MAD1L1: variants seen among roughly 807,000 people sequenced by gnomAD.
MAD1L1 encodes the protein mitotic spindle assembly checkpoint protein MAD1.
In MAD1L1, 95 loss-of-function variants were observed where a neutral mutation model predicts 96.9. That is an observed-to-expected ratio of 0.98 (90% CI 0.83 to 1.16). The LOEUF is 1.16. Among genes scored for constraint, MAD1L1 ranks in the 50% most tolerant of loss-of-function variants. The probability of loss-of-function intolerance (pLI) is 0.00; values close to 1 mark genes in which losing one functional copy is unlikely to be tolerated. For missense variants in MAD1L1, 1,007 were observed against 954.4 expected, an observed-to-expected ratio of 1.06 and a Z score of -0.73; for synonymous variants, 473 against 396.6, an observed-to-expected ratio of 1.19 and a Z score of -2.29.
At chr7:1,886,818 G>C (rs1786063635) in intron 18 of MAD1L1, among the ~76,000 whole-genome samples, 1 of 152,372 alleles carries the variant, frequency 6.6e-6, no homozygotes, top group African/African-American at 2.4e-5. Flanking sequence ...GGTGAGGAGT[G>C]AGCACAGGTC....
chr7:2,087,434 T>C (rs908160210), intron 11 of MAD1L1, among the ~76,000 whole-genome samples: 1 of 151,940 alleles, frequency 6.6e-6, no homozygotes, highest in South Asian at 2.1e-4. Context: ...CAGCTACTCA[T>C]GAGGCTGAGG....
chr7:1,936,624 GCACGGATGGACCTACC>G, intron 17 of MAD1L1, 47 bp downstream of exon 17: 1 of 1,481,774 alleles, frequency 6.7e-7, no homozygotes, highest in Non-Finnish European at 9.1e-7. Flanking sequence ...CCCCAAAGGC[GCACGGATGGACCTACC>G]CACGGAAGGT....
In MAD1L1 at chr7:2,114,002, AAGG is replaced by A. The variant is rs1787522687; in HGVS notation, c.1073+35147_1073+35149del. ...CCCAGGCCAGATCCTGGCACAGAAA[AAGG>A]AGCTCAGTGGGAGAGCCGGCAAGAC... On this transcript the variant is annotated intron_variant, in intron 11 of 18. Transcript: ENST00000265854. The surrounding 1 kb of genome is among the most constrained non-coding windows in gnomAD (Gnocchi z 4.2). Among the ~76,000 whole-genome samples, 1 of 152,136 alleles carries A rather than the reference AAGG, an allele frequency of 6.6e-6. No homozygotes were observed. The highest frequency in any genetic ancestry group is 2.1e-4 in the South Asian group (1 of 4,828).
At chr7:1,894,617 A>T (rs1163307663) in intron 18 of MAD1L1, among the ~76,000 whole-genome samples, 5 of 152,076 alleles carry the variant, frequency 3.3e-5, no homozygotes. Context: ...CCTCATGAAC[A>T]TGCTCTAAAG....
At chr7:1,887,856 T>A in intron 18 of MAD1L1, among the ~76,000 whole-genome samples, 1 of 18,452 alleles carries the variant, frequency 5.4e-5, no homozygotes, top group Admixed American at 7.9e-4. Flanking sequence ...TGCGTGTGTG[T>A]GTGCACGTGT....
chr7:2,031,444 G>A (rs1325897204), intron 12 of MAD1L1, among the ~76,000 whole-genome samples: 1 of 152,236 alleles, frequency 6.6e-6, no homozygotes, highest in East Asian at 1.9e-4. Context: ...ACCTATTGTA[G>A]GAAGGAGTGG....
chr7:1,997,008 A>AG (rs571712597), intron 14 of MAD1L1, among the ~76,000 whole-genome samples: 8 of 152,268 alleles, frequency 5.3e-5, no homozygotes, highest in Admixed American at 2.0e-4. Context: ...CTAGCTAATT[A>AG]GGGGGGTTCG....
intron 14 of MAD1L1, among the ~76,000 whole-genome samples, chr7:1,984,495 G>A (rs920301413): frequency 2.6e-5 from 4 of 152,182 alleles, no homozygotes; most frequent in Admixed American, 2.6e-4. Context: ...CATAAATCCT[G>A]CTACTGGCAT....
At chr7:2,161,830 G>T (rs1021374591) in intron 10 of MAD1L1, among the ~76,000 whole-genome samples, 5 of 151,240 alleles carry the variant, frequency 3.3e-5, no homozygotes, top group African/African-American at 7.3e-5. Context: ...ATCTCTGACC[G>T]GCCGCCCTGT....
At position 1,888,574 on chromosome 7, in the gene MAD1L1, A is replaced by C. The variant is rs570386958; in HGVS notation, c.1998+9626T>G. Among the ~76,000 whole-genome samples, 1,388 of 143,374 alleles carry C rather than the reference A, an allele frequency of 9.7e-3. 25 individuals are homozygous for C. The highest frequency in any genetic ancestry group is 0.034 in the African/African-American group (1,302 of 37,920). 94.1% of individuals were successfully genotyped at this position (143,374 alleles called of 152,430 possible). On this transcript the variant is annotated intron_variant, in intron 18 of 18. Transcript: ENST00000265854. Reference sequence around the variant, plus strand: ...TGAGCATGCATGCATGTGGCTGTACATGTGAGCATGCATGCGTGCATGTGG... The same window carrying C: ...TGAGCATGCATGCATGTGGCTGTACCTGTGAGCATGCATGCGTGCATGTGG...
chr7:1,960,733 T>C (rs1268495415), intron 15 of MAD1L1, among the ~76,000 whole-genome samples: 1 of 152,166 alleles, frequency 6.6e-6, no homozygotes, highest in Non-Finnish European at 1.5e-5. Flanking sequence ...TCTCAATAGC[T>C]GATAGAACAA....
intron 18 of MAD1L1, among the ~76,000 whole-genome samples, chr7:1,856,491 G>C (rs1784260797): frequency 6.6e-6 from 1 of 152,262 alleles, no homozygotes; most frequent in African/African-American, 2.4e-5. Context: ...GCCCCCGCTG[G>C]CCAGCTGTCG....
chr7:1,924,771 G>C (rs1331138556), intron 17 of MAD1L1, among the ~76,000 whole-genome samples: 1 of 152,058 alleles, frequency 6.6e-6, no homozygotes, highest in Non-Finnish European at 1.5e-5. Context: ...TTCTTGGTGG[G>C]GTTTTCCACA....
At chr7:2,111,575 G>A (rs1054624272) in intron 11 of MAD1L1, among the ~76,000 whole-genome samples, 1 of 152,232 alleles carries the variant, frequency 6.6e-6, no homozygotes, top group Non-Finnish European at 1.5e-5. Context: ...GGGAAAAGGG[G>A]CTACAACTCC....
In MAD1L1 at chr7:2,031,351, G is replaced by T. The variant is rs184834644; in HGVS notation, c.1219-16709C>A. ...CCACCACCCACGTGTAGCTGTGGGGGAGGGGGAAAAGGGGCTGTTCTGGGC... is the reference window on the plus strand; with the variant it reads ...CCACCACCCACGTGTAGCTGTGGGGTAGGGGGAAAAGGGGCTGTTCTGGGC... On this transcript the variant is annotated intron_variant, in intron 12 of 18. Coordinates refer to ENST00000265854, the MANE Select transcript of MAD1L1 (RefSeq NM_001013836.2). 3.1e-3 allele frequency among the ~76,000 whole-genome samples: 473 copies of T among 152,340 alleles called. 1 individual carries two copies. The highest frequency in any genetic ancestry group is 5.0e-3 in the Non-Finnish European group (338 of 68,022).
intron 18 of MAD1L1, among the ~76,000 whole-genome samples, chr7:1,876,792 C>T (rs1157243954): frequency 1.3e-5 from 2 of 150,164 alleles, no homozygotes; most frequent in Non-Finnish European, 3.0e-5. Context: ...ATGTCCTTGG[C>T]CCCAGAGCCC....
At chr7:1,855,743 T>A (rs1433615450) in intron 18 of MAD1L1, among the ~76,000 whole-genome samples, 1 of 152,150 alleles carries the variant, frequency 6.6e-6, no homozygotes, top group Non-Finnish European at 1.5e-5. Flanking sequence ...TCATGGCCTG[T>A]TCTCGGCAAC....
intron 14 of MAD1L1, among the ~76,000 whole-genome samples, chr7:1,988,288 C>A (rs1012399267): frequency 2.6e-5 from 4 of 152,226 alleles, no homozygotes; most frequent in Admixed American, 2.6e-4. Flanking sequence ...AGGGGCAACT[C>A]TGCCGCTGCA....
intron 18 of MAD1L1, among the ~76,000 whole-genome samples, chr7:1,819,263 T>G (rs1471233530): frequency 1.3e-5 from 2 of 152,180 alleles, no homozygotes; most frequent in Non-Finnish European, 1.5e-5. Context: ...CTGGAAATAC[T>G]TCTGAGGCTG....
Sources: allele counts gnomAD v4.1 joint callset (sites outside exome capture counted in the v4.1 genomes callset), GRCh38; gene constraint gnomAD v4.1.1; non-coding constraint Gnocchi (gnomAD v3.1); transcripts MANE v1.5; gene names NCBI Gene and HGNC (gene_info 2026-07-23, HGNC 2026-07-21).